Variants in PGM2L1 observed in about 807,000 individuals in gnomAD.
PGM2L1 encodes the protein phosphoglucomutase 2 like 1, also known as glucose 1,6-bisphosphate synthase.
A neutral mutation model predicts 73.4 loss-of-function variants in PGM2L1; 35 were observed. The ratio of observed to expected loss-of-function variants is 0.48; its 90% confidence interval spans 0.36 to 0.63. The LOEUF (loss-of-function observed/expected upper bound fraction) is 0.63. Among genes scored for constraint, PGM2L1 ranks in the 30% least tolerant of loss-of-function variants. The probability of loss-of-function intolerance (pLI) is 0.00; values close to 1 mark genes in which losing one functional copy is unlikely to be tolerated. For synonymous variants in PGM2L1, 225 were observed against 253.8 expected (o/e 0.89, Z 1.08); for missense variants, 570 against 742.0 (o/e 0.77, Z 2.69).
At chr11:74,358,376 T>C (rs1173846968) in intron 5 of PGM2L1, among the ~76,000 whole-genome samples, 2 of 152,164 alleles carry the variant, frequency 1.3e-5, no homozygotes, top group African/African-American at 2.4e-5. Flanking sequence ...AAATATCTTA[T>C]AAATACATGA....
chr11:74,340,342 C>A (rs572347893), intron 12 of PGM2L1, among the ~76,000 whole-genome samples: 1 of 152,222 alleles, frequency 6.6e-6, no homozygotes, highest in Non-Finnish European at 1.5e-5. Context: ...TTGAGCACAG[C>A]AAACTAGAGA....
chr11:74,374,518 T>G lies in PGM2L1; in HGVS notation c.176A>C (p.Asp59Ala), dbSNP rs1862827993. The change falls in exon 2 of 14, where the codon GAT (aspartate) becomes GCT (alanine). Residue 59 changes from aspartate (D) to alanine (A), a missense_variant. Coordinates refer to ENST00000298198, the MANE Select transcript of PGM2L1 (RefSeq NM_173582.6). ...AAAAGTCATTCGGCAACAAAGACGA[T>G]CTCGCAGCTCCTTGTTCATCCCATT... is the stretch of plus-strand genomic sequence containing the variant. ...LRNGMNKELRDRLCCRMTFGT... is the reference protein window; with the variant it reads ...LRNGMNKELRARLCCRMTFGT... 2 of 1,614,150 alleles carry G rather than the reference T, an allele frequency of 1.2e-6. No individual in the cohort carries two copies. Among genetic ancestry groups the G allele is most frequent in the Non-Finnish European group, 1.7e-6 (2 of 1,179,984 alleles).
At chr11:74,393,698 G>A (rs1041629047) in intron 1 of PGM2L1, among the ~76,000 whole-genome samples, 1 of 152,040 alleles carries the variant, frequency 6.6e-6, no homozygotes, top group African/African-American at 2.4e-5. Flanking sequence ...AAAATGCCGT[G>A]GCCAATTCCT....
intron 9 of PGM2L1, 107 bp from the exon 10 acceptor site, chr11:74,343,523 A>G (rs1862215942): frequency 6.8e-7 from 1 of 1,467,960 alleles, no homozygotes; most frequent in Non-Finnish European, 9.0e-7. Flanking sequence ...GATCCTTACT[A>G]TAGTCTTCAG....
At chr11:74,337,898 G>C (rs1409247210) in intron 13 of PGM2L1, among the ~76,000 whole-genome samples, 1 of 151,980 alleles carries the variant, frequency 6.6e-6, no homozygotes, top group Non-Finnish European at 1.5e-5. Flanking sequence ...TTCACTCCTA[G>C]GTATATACCT....
rs56938172 is a variant in PGM2L1, at chr11:74,343,769, CTTTTTTTTTTTTT to C, written c.1219-366_1219-354del. On this transcript the variant is annotated intron_variant, in intron 9 of 13. Coordinates refer to ENST00000298198, the MANE Select transcript of PGM2L1 (RefSeq NM_173582.6). ...GACTGAACCAGGTGCTTTACATTAT[CTTTTTTTTTTTTT>C]TTTTTTTTTTTTTTGAGACGGAGTC... 5.1e-5 allele frequency among the ~76,000 whole-genome samples: 4 copies of C among 79,116 alleles called. No individual in the cohort carries two copies. In the South Asian group the frequency reaches 2.6e-3, roughly 51 times the overall value. The allele number at this position is 79,116 out of a possible 152,430, so 51.9% of individuals were successfully genotyped here. A position where few individuals can be genotyped will look rare whatever the true frequency, so the allele number is the denominator to read the frequency against.
intron 6 of PGM2L1, 105 bp downstream of exon 6, chr11:74,351,278 A>G (rs1862348263): frequency 9.0e-7 from 1 of 1,111,004 alleles, no homozygotes; most frequent in Non-Finnish European, 1.3e-6. Context: ...CTATTTAGCT[A>G]TAATTTTAAT....
At chr11:74,393,558 G>C (rs780188740) in intron 1 of PGM2L1, among the ~76,000 whole-genome samples, 2 of 152,186 alleles carry the variant, frequency 1.3e-5, no homozygotes, top group Non-Finnish European at 2.9e-5. Context: ...TGAATCACTG[G>C]CTTAGATTGA....
At chr11:74,342,440 G>GAAA in intron 12 of PGM2L1, 21 bp downstream of exon 12, 1 of 1,045,306 alleles carries the variant, frequency 9.6e-7, no homozygotes, top group Non-Finnish European at 1.3e-6. Flanking sequence ...AAATTGTTTG[G>GAAA]AAAAAAAAAA....
In PGM2L1 at chr11:74,371,714, T is replaced by A. The variant is rs2134930397; in HGVS notation, c.383A>T (p.Gln128Leu). The change falls in exon 3 of 14, where the codon CAG becomes CTG. Residue 128 changes from glutamine to leucine, a missense_variant. Coordinates refer to ENST00000298198, the MANE Select transcript of PGM2L1 (RefSeq NM_173582.6). ...RGQVTSSCSS[Q>L]RLAKLTAAVL... is the part of the protein sequence containing the mutation. ...TTTGAAACAATTAACTTTGTACCTC[T>A]GGCTGCTGCAGCTGCTAGTTACTTG... 6.2e-7 allele frequency: 1 copy of A among 1,611,430 alleles called. No homozygotes were observed. The highest frequency in any genetic ancestry group is 1.3e-5 in the African/African-American group (1 of 74,978).
rs758479464 is a variant in PGM2L1, at chr11:74,347,237, G to A, written c.850C>T (p.Pro284Ser). The A allele has an allele frequency of 5.6e-6, 9 of 1,613,280 alleles. No homozygotes were observed. The South Asian group carries it at 9.9e-5, about 18-fold the overall frequency. The change falls in exon 7 of 14, where the codon CCT becomes TCT. Residue 284 changes from proline (P) to serine (S), a missense_variant. By Grantham distance (74) the Pro-to-Ser change is moderately conservative (BLOSUM62 -1). Coordinates refer to ENST00000298198, the MANE Select transcript of PGM2L1 (RefSeq NM_173582.6). ...QLAFKVFGFK[P>S]PIPVPEQKDP... ...TTTTGTTCTGGTACTGGAATTGGAG[G>A]CTTAAAACCAAACACTTTAAAAGCC...
Position 74,347,180 on chromosome 11 carries a change from A to G in PGM2L1, c.907T>C (p.Cys303Arg). 2 of 1,598,020 alleles carry G rather than the reference A, an allele frequency of 1.3e-6. No individual in the cohort carries two copies. The highest frequency in any genetic ancestry group is 1.3e-5 in the African/African-American group (1 of 74,568). ...DPDPDFSTVKCPNPEEGESVL... is the reference protein window; with the variant it reads ...DPDPDFSTVKRPNPEEGESVL... Reference sequence around the variant, plus strand: ...GATTCTCCTTCTTCAGGATTTGGACATTTAACGGTAGAAAAGTCTGGATCA... The same window carrying G: ...GATTCTCCTTCTTCAGGATTTGGACGTTTAACGGTAGAAAAGTCTGGATCA... Residue 303 changes from cysteine (C) to arginine (R), a missense_variant, in exon 7 of 14, where the codon TGT (cysteine) becomes CGT (arginine). Coordinates refer to ENST00000298198, the MANE Select transcript of PGM2L1 (RefSeq NM_173582.6).
At position 74,351,551 on chromosome 11, in the gene PGM2L1, A is replaced by G; in HGVS notation, c.581T>C (p.Ile194Thr). The G allele has an allele frequency of 6.2e-7, 1 of 1,609,168 alleles. No individual in the cohort carries two copies. The highest frequency in any genetic ancestry group is 8.5e-7 in the Non-Finnish European group (1 of 1,178,386). ...YKVYWETGAQITSPHDKEILK... is the reference protein window; with the variant it reads ...YKVYWETGAQTTSPHDKEILK... Reference sequence around the variant, plus strand: ...AATTTCTTTATCATGAGGAGATGTGATCTGAGCACCAGTTTCCCAGTAAAC... The same window carrying G: ...AATTTCTTTATCATGAGGAGATGTGGTCTGAGCACCAGTTTCCCAGTAAAC... Residue 194 changes from isoleucine (I) to threonine (T), a missense_variant, in exon 6 of 14, where the codon ATC (isoleucine) becomes ACC (threonine). Physicochemically the swap from Ile to Thr is moderately conservative, Grantham distance 89 (BLOSUM62 -1). Transcript: ENST00000298198.
At chr11:74,340,063 C>T (rs1862160485) in intron 12 of PGM2L1, among the ~76,000 whole-genome samples, 1 of 152,132 alleles carries the variant, frequency 6.6e-6, no homozygotes, top group Admixed American at 6.6e-5. Flanking sequence ...TTGCTATATT[C>T]CTAGTGTACC....
At chr11:74,344,355 G>A (rs911818633) in intron 9 of PGM2L1, among the ~76,000 whole-genome samples, 5 of 152,012 alleles carry the variant, frequency 3.3e-5, no homozygotes, top group African/African-American at 4.8e-5. Flanking sequence ...TGAACCAAGT[G>A]TACCTTCTCA....
At chr11:74,353,081 G>A (rs892494697) in intron 5 of PGM2L1, among the ~76,000 whole-genome samples, 2 of 152,092 alleles carry the variant, frequency 1.3e-5, no homozygotes, top group African/African-American at 4.8e-5. Context: ...GTTATTTTAG[G>A]ATGAGAAACA....
chr11:74,393,068 T>G (rs1863126567), intron 1 of PGM2L1, among the ~76,000 whole-genome samples: 1 of 152,226 alleles, frequency 6.6e-6, no homozygotes, highest in African/African-American at 2.4e-5. Flanking sequence ...GGATAACTAC[T>G]ACCTGCCTAA....
chr11:74,377,185 A>ACTGCG, intron 1 of PGM2L1, among the ~76,000 whole-genome samples: 1 of 149,908 alleles, frequency 6.7e-6, no homozygotes, highest in East Asian at 2.0e-4. Flanking sequence ...CCCAGGCTGG[A>ACTGCG]GAGCAGTGGC....
chr11:74,336,624 C>T lies in PGM2L1; in HGVS notation c.*28G>A. Reference sequence around the variant, plus strand: ...TCGGTTGCTCTGTTCCATATGCCCACACAGTGTCATGACATATTGGTGTAC... The same window carrying T: ...TCGGTTGCTCTGTTCCATATGCCCATACAGTGTCATGACATATTGGTGTAC... On this transcript the variant is annotated 3_prime_UTR_variant, in exon 14 of 14. Coordinates refer to ENST00000298198, the MANE Select transcript of PGM2L1 (RefSeq NM_173582.6). The T allele has an allele frequency of 1.3e-6, 2 of 1,498,106 alleles. No homozygotes were observed. The highest frequency in any genetic ancestry group is 1.8e-6 in the Non-Finnish European group (2 of 1,090,180). 92.8% of individuals were successfully genotyped at this position (1,498,106 alleles called of 1,614,324 possible).
Sources: gnomAD v4.1 joint callset for allele counts (sites outside exome capture counted in the v4.1 genomes callset) on GRCh38, gnomAD v4.1.1 for gene constraint, MANE v1.5 for transcripts, NCBI Gene and HGNC (gene_info 2026-07-23, HGNC 2026-07-21) for gene names.